Variants in CASKIN1 observed in about 807,000 individuals in gnomAD.
CASKIN1 encodes caskin-1.
In CASKIN1, 42 loss-of-function variants were observed where a neutral mutation model predicts 117.5. That is an observed-to-expected ratio of 0.36 (90% CI 0.28 to 0.46). The LOEUF (loss-of-function observed/expected upper bound fraction) is 0.46. Ranked by LOEUF, CASKIN1 falls within the 20% of genes least tolerant of loss-of-function variation. The probability of loss-of-function intolerance (pLI) is 1.00; values close to 1 mark genes in which losing one functional copy is unlikely to be tolerated. For missense variants in CASKIN1, 2,083 were observed against 2,077.3 expected (o/e 1.00, Z -0.05); for synonymous variants, 1,148 against 961.7 (o/e 1.19, Z -3.59).
chr16:2,185,472 G>A (rs2093181293), intron 10 of CASKIN1, 64 bp from the exon 11 acceptor site: 2 of 1,378,204 alleles, frequency 1.5e-6, no homozygotes, highest in East Asian at 2.4e-5. Flanking sequence ...CGCAGGGGAG[G>A]CAGGACAGAG....
intron 1 of CASKIN1, among the ~76,000 whole-genome samples, chr16:2,190,880 A>G (rs141458384): frequency 1.3e-5 from 2 of 152,344 alleles, no homozygotes; most frequent in Admixed American, 6.5e-5. Flanking sequence ...CCTGGGCCAC[A>G]GCCAGTGTGG....
At chr16:2,190,041 T>C (rs1282246384) in intron 3 of CASKIN1, 32 bp downstream of exon 3, 103 of 718,176 alleles carry the variant, frequency 1.4e-4, no homozygotes, top group Non-Finnish European at 2.2e-4. Context: ...CCCCCGCCCC[T>C]GCCCCCACCA....
rs768024402 is a variant in CASKIN1 at position 2,181,890 on chromosome 16, G to C, written c.1669C>G (p.Gln557Glu). 6.2e-7 allele frequency: 1 copy of C among 1,613,778 alleles called. No individual in the cohort carries two copies. ...AVWLSMIGLAQYYKVLVDNGY... is the reference protein window; with the variant it reads ...AVWLSMIGLAEYYKVLVDNGY... Reference sequence around the variant, plus strand: ...TTGTCCACCAACACCTTGTAGTACTGGGCCAGGCCGATCATGGACAGCCAC... The same window carrying C: ...TTGTCCACCAACACCTTGTAGTACTCGGCCAGGCCGATCATGGACAGCCAC... Residue 557 changes from glutamine to glutamate, a missense_variant, in exon 17 of 20, where the codon CAG becomes GAG. Physicochemically the swap from Gln to Glu is conservative, Grantham distance 29 (BLOSUM62 2). This residue lies in a region of CASKIN1 where 1,818 missense variants were observed against 1,688.9 expected (regional missense o/e 1.08). Coordinates refer to ENST00000343516, the MANE Select transcript of CASKIN1 (RefSeq NM_020764.4).
rs2093151178 is a variant in CASKIN1 at position 2,178,417 on chromosome 16, C to CCACCTGCA, written c.*132_*133insTGCAGGTG. On this transcript the variant is annotated 3_prime_UTR_variant, in exon 20 of 20. Transcript: ENST00000343516. ...CCCCGGTGGGCGCCCCGGCCCGGGT[C>CCACCTGCA]CAGGGGCCGGAGTTGTGCTTCTGCA... The CCACCTGCA allele has an allele frequency of 1.6e-6, 1 of 609,752 alleles. No individual in the cohort carries two copies. The highest frequency in any genetic ancestry group is 4.4e-5 in the Admixed American group (1 of 22,866). 37.8% of individuals were successfully genotyped at this position (609,752 alleles called of 1,614,324 possible).
At chr16:2,186,584 C>G in intron 10 of CASKIN1, 123 bp downstream of exon 10, 1 of 768,984 alleles carries the variant, frequency 1.3e-6, no homozygotes, top group Non-Finnish European at 2.2e-6. Context: ...GCTCCCCACT[C>G]AACCCCACGC....
Position 2,189,085 on chromosome 16 carries a change from G to A in CASKIN1, c.559C>T (p.Pro187Ser). Residue 187 changes from proline to serine, a missense_variant, in exon 6 of 20, where the codon CCC becomes TCC. Pro to Ser is a moderately conservative substitution (Grantham distance 74, BLOSUM62 -1). This residue lies in a region of CASKIN1 where 203 missense variants were observed against 338.7 expected (regional missense o/e 0.60). Transcript: ENST00000343516. ...AGGTGCAAAGGGCTGGTGCCGTTGG[G>A]GTCGGTGGCGTCTCCCGGCCGGGGC... ...LEPRPGDATD[P>S]NGTSPLHLAA... 6.2e-7 allele frequency: 1 copy of A among 1,613,654 alleles called. No homozygotes were observed. The highest frequency in any genetic ancestry group is 8.5e-7 in the Non-Finnish European group (1 of 1,179,824).
intron 16 of CASKIN1, among the ~76,000 whole-genome samples, chr16:2,183,075 C>T (rs930182909): frequency 1.3e-5 from 2 of 152,240 alleles, no homozygotes; most frequent in Non-Finnish European, 2.9e-5. Context: ...GCGTGAGCCA[C>T]CGCGCCCGGC....
At position 2,183,820 on chromosome 16, in the gene CASKIN1, G is replaced by A. The variant is rs917257665; in HGVS notation, c.1527+11C>T. The A allele has an allele frequency of 5.6e-6, 9 of 1,612,114 alleles. No homozygotes were observed. ...GACGCAGCTGGCGCTGGCGGCGCAT[G>A]GAAAGCTCACCTCGGGAGTCATGCG... On this transcript the variant is annotated intron_variant, in intron 15 of 19. Transcript: ENST00000343516.
At position 2,180,445 on chromosome 16, in the gene CASKIN1, C is replaced by G; in HGVS notation, c.2923G>C (p.Gly975Arg). 1.3e-6 allele frequency: 2 copies of G among 1,561,804 alleles called. No homozygotes were observed. Among genetic ancestry groups the G allele is most frequent in the Non-Finnish European group, 1.7e-6 (2 of 1,160,940 alleles). Residue 975 changes from glycine to arginine, a missense_variant, in exon 18 of 20, where the codon GGC (glycine) becomes CGC (arginine). Physicochemically the swap from Gly to Arg is moderately radical, Grantham distance 125 (BLOSUM62 -2). Transcript: ENST00000343516. ...EPVPDAEPED[G>R]LLGVRAQCRR... ...CACTGTGCCCGGACCCCCAGCAGGC[C>G]ATCCTCAGGCTCGGCGTCAGGCACC...
chr16:2,193,513 A>G (rs1040459069), intron 1 of CASKIN1, among the ~76,000 whole-genome samples: 1 of 152,192 alleles, frequency 6.6e-6, no homozygotes, highest in African/African-American at 2.4e-5. Flanking sequence ...TCCCAGCTCC[A>G]GGGTGGACAG....
In CASKIN1 at chr16:2,177,983, C is replaced by T. The variant is rs1006010923; in HGVS notation, c.*567G>A. On this transcript the variant is annotated 3_prime_UTR_variant, in exon 20 of 20. Transcript: ENST00000343516. ...ACAGCTTTTGTCCGGAGCTAGACTT[C>T]GTGTCCTTTCAGTTGGTAAATGGTT... is the stretch of plus-strand genomic sequence containing the variant. The T allele has an allele frequency of 5.2e-6, 2 of 385,524 alleles. No individual in the cohort carries two copies. The highest frequency in any genetic ancestry group is 9.8e-6 in the Non-Finnish European group (2 of 205,112). The allele number at this position is 385,524 out of a possible 1,614,324, so 23.9% of individuals were successfully genotyped here. A position where few individuals can be genotyped will look rare whatever the true frequency, so the allele number is the denominator to read the frequency against.
intron 6 of CASKIN1, 119 bp from the exon 7 acceptor site, chr16:2,187,580 C>A (rs912646112): frequency 9.6e-6 from 7 of 728,818 alleles, no homozygotes; most frequent in Non-Finnish European, 1.6e-5. Flanking sequence ...TGAGGACCGT[C>A]CAGCCCTGCC....
Position 2,189,139 on chromosome 16 carries a change from T to C in CASKIN1, c.505A>G (p.Ser169Gly), listed in dbSNP as rs1352583246. 6.2e-6 allele frequency: 10 copies of C among 1,612,896 alleles called. No individual in the cohort carries two copies. Among genetic ancestry groups the C allele is most frequent in the Non-Finnish European group, 8.5e-6 (10 of 1,179,606 alleles). Residue 169 changes from serine (S) to glycine (G), a missense_variant, in exon 6 of 20, where the codon AGC (serine) becomes GGC (glycine). Coordinates refer to ENST00000343516, the MANE Select transcript of CASKIN1 (RefSeq NM_020764.4). Reference sequence around the variant, plus strand: ...AGCAGCGCCGCACACATATTGCTGCTGAGGAGCAGCTGGACCACCTTGAAG... The same window carrying C: ...AGCAGCGCCGCACACATATTGCTGCCGAGGAGCAGCTGGACCACCTTGAAG... The part of the protein sequence containing the change: ...GRVGVVQLLL[S>G]SNMCAALLEP...
intron 14 of CASKIN1, 79 bp from the exon 15 acceptor site, chr16:2,184,020 G>A (rs992887039): frequency 7.3e-6 from 7 of 957,230 alleles, no homozygotes; most frequent in African/African-American, 6.6e-5. Flanking sequence ...CCTCTGCTTG[G>A]CCGGCCAGCC....
Position 2,180,128 on chromosome 16 carries a change from C to T in CASKIN1, c.3240G>A (p.Gly1080=). Residue 1080 remains glycine (G), a synonymous_variant, in exon 18 of 20, where the codon GGG becomes GGA. Coordinates refer to ENST00000343516, the MANE Select transcript of CASKIN1 (RefSeq NM_020764.4). The stretch of plus-strand genomic sequence containing the variant: ...GGCCTGGGTCTGCCGACTCCCCAGG[C>T]CCCCGGCGGGCAGTGGCCAGAAGTC... ...VTGLLATARR[G]PGESADPGPF... The T allele has an allele frequency of 1.3e-6, 2 of 1,552,308 alleles. No homozygotes were observed. Among genetic ancestry groups the T allele is most frequent in the Middle Eastern group, 1.9e-4 (1 of 5,262 alleles).
chr16:2,189,595 C>A lies in CASKIN1; in HGVS notation c.245-31G>T, dbSNP rs746432381. The A allele has an allele frequency of 3.8e-5, 59 of 1,568,384 alleles. No homozygotes were observed. In the South Asian group the frequency reaches 5.4e-4, roughly 14 times the overall value. On this transcript the variant is annotated intron_variant, in intron 3 of 19. Transcript: ENST00000343516. ...GGGCGAGGGGATGCTGGGAGCTGAC[C>A]CTTGACCCCAAACCCAACCCTGGAG...
chr16:2,178,692 G>A (rs746618651), intron 19 of CASKIN1, 46 bp from the exon 20 acceptor site: 12 of 1,523,236 alleles, frequency 7.9e-6, no homozygotes, highest in African/African-American at 4.3e-5. Flanking sequence ...GGCGGGTCTG[G>A]CCACGCCCAC....
rs564735333 is a variant in CASKIN1 at position 2,189,922 on chromosome 16, T to C, written c.244+151A>G. Reference sequence around the variant, plus strand: ...TGACCCCTCACCCCAGCCCCACCCCTGGCCTCCAGGACCCTGATCCCAGGA... The same window carrying C: ...TGACCCCTCACCCCAGCCCCACCCCCGGCCTCCAGGACCCTGATCCCAGGA... On this transcript the variant is annotated intron_variant, in intron 3 of 19. Coordinates refer to ENST00000343516, the MANE Select transcript of CASKIN1 (RefSeq NM_020764.4). 7.7e-5 allele frequency: 34 copies of C among 441,324 alleles called. No individual in the cohort carries two copies. The East Asian group carries it at 1.5e-3, about 20-fold the overall frequency. The allele number at this position is 441,324 out of a possible 1,614,324, so 27.3% of individuals were successfully genotyped here.
chr16:2,180,684 C>G lies in CASKIN1; in HGVS notation c.2684G>C (p.Arg895Pro), dbSNP rs575118987. 3.3e-6 allele frequency: 5 copies of G among 1,503,026 alleles called. No individual in the cohort carries two copies. The highest frequency in any genetic ancestry group is 2.5e-5 in the East Asian group (1 of 40,148). 93.1% of individuals were successfully genotyped at this position (1,503,026 alleles called of 1,614,324 possible). A position where few individuals can be genotyped will look rare whatever the true frequency, so the allele number is the denominator to read the frequency against. ...AGCCGCAGGCACCAGCAGCTCGTCC[C>G]GCTCCGGCTCGCTGTCGGACGCCGC... is the stretch of plus-strand genomic sequence containing the variant. ...RYAASDSEPE[R>P]DELLVPAAAG... Residue 895 changes from arginine (R) to proline (P), a missense_variant, in exon 18 of 20, where the codon CGG (arginine) becomes CCG (proline). Physicochemically the swap from Arg to Pro is moderately radical, Grantham distance 103 (BLOSUM62 -2). Around this residue, in one of 3 missense-constraint regions of CASKIN1, gnomAD observed 1,818 missense variants for 1,688.9 expected, o/e 1.08. Transcript: ENST00000343516.
Sources: gnomAD v4.1 joint callset for allele counts (sites outside exome capture counted in the v4.1 genomes callset) on GRCh38, gnomAD v4.1.1 for gene constraint, gnomAD v4.1.1 regional missense constraint, MANE v1.5 for transcripts, NCBI Gene and HGNC (gene_info 2026-07-23, HGNC 2026-07-21) for gene names.